The following CCP110 variants were observed in gnomAD, a reference collection of about 807,000 sequenced individuals.
The protein encoded by CCP110 is centriolar coiled-coil protein 110, also known as centriolar coiled-coil protein of 110 kDa.
In CCP110, 43 loss-of-function variants were observed where a neutral mutation model predicts 105.5. The observed-to-expected ratio is 0.41, with a 90% CI of 0.32 to 0.53. CCP110 has a LOEUF of 0.53. Ranked by LOEUF, CCP110 falls within the 20% of genes least tolerant of loss-of-function variation. CCP110 has a pLI of 0.32. For missense variants in CCP110, 1,016 were observed against 1,189.1 expected (o/e 0.85, Z 2.14); for synonymous variants, 353 against 392.1 (o/e 0.90, Z 1.18).
At chr16:19,528,884 T>G (rs1456753950) in intron 2 of CCP110, among the ~76,000 whole-genome samples, 1 of 151,824 alleles carries the variant, frequency 6.6e-6, no homozygotes. Flanking sequence ...AGAAAGACCC[T>G]ATCCCAAAAG....
exon 11 of CCP110, chr16:19,545,842 C>T: frequency 6.2e-7 from 1 of 1,607,836 alleles, no homozygotes; most frequent in Non-Finnish European, 8.5e-7. Context: ...CCACGAGTGG[C>T]TCTTTCAGCT....
chr16:19,532,538 T>C (rs1348368122), exon 3 of CCP110: 1 of 1,590,836 alleles, frequency 6.3e-7, no homozygotes. Flanking sequence ...TTCTTGACAA[T>C]GTTCAGGTGT....
chr16:19,548,193 A>G lies in CCP110; in HGVS notation c.2900+179A>G. The G allele has an allele frequency of 1.5e-6, 1 of 645,464 alleles. No homozygotes were observed. Among genetic ancestry groups the G allele is most frequent in the Non-Finnish European group, 2.8e-6 (1 of 361,286 alleles). The allele number at this position is 645,464 out of a possible 1,614,324, so 40.0% of individuals were successfully genotyped here. A position where few individuals can be genotyped will look rare whatever the true frequency, so the allele number is the denominator to read the frequency against. On this transcript the variant is annotated intron_variant, in intron 13 of 14. Transcript: ENST00000381396. This position sits in a 1 kb window ranked among gnomAD's most constrained non-coding sequence, Gnocchi z 4.1. Reference sequence around the variant, plus strand: ...TCTTCAAATGTAACCCTCTTGGTGTACTGTTGTGTATTCTAATTACTGTCT... The same window carrying G: ...TCTTCAAATGTAACCCTCTTGGTGTGCTGTTGTGTATTCTAATTACTGTCT...
chr16:19,542,356 C>G (rs1970316532), intron 6 of CCP110, among the ~76,000 whole-genome samples: 1 of 152,210 alleles, frequency 6.6e-6, no homozygotes, highest in Non-Finnish European at 1.5e-5. Flanking sequence ...AGTTTGCTCT[C>G]TCCTGAGTGA....
At chr16:19,536,477 G>A (rs1459151063) in exon 4 of CCP110, 1 of 1,613,926 alleles carries the variant, frequency 6.2e-7, no homozygotes, top group African/African-American at 1.3e-5. Flanking sequence ...TGCTGTTGAA[G>A]TGGCTGACTG....
intron 12 of CCP110, chr16:19,547,238 C>T (rs1195115303): frequency 6.6e-6 from 1 of 152,164 alleles, no homozygotes; most frequent in Middle Eastern, 3.4e-3. Context: ...AATCCTGTCT[C>T]TATTAAAAAT....
exon 4 of CCP110, chr16:19,537,209 A>G (rs754505654): frequency 1.2e-6 from 2 of 1,614,204 alleles, no homozygotes; most frequent in Admixed American, 3.3e-5. Flanking sequence ...CAGTCAGTGT[A>G]TAGCAAGTCC....
chr16:19,524,924 C>T lies in CCP110; in HGVS notation c.-16+836C>T, dbSNP rs1969617320. ...GTTGCTTTCTGCGTGTTCTGCACTA[C>T]GTTAATTGCCCTACATGCATTAGCT... On this transcript the variant is annotated intron_variant, in intron 1 of 14. Coordinates refer to ENST00000381396, the Ensembl canonical transcript of CCP110. The T allele has an allele frequency of 2.0e-5, 3 of 152,194 alleles. 1 individual carries two copies. The South Asian group carries it at 6.2e-4, about 31-fold the overall frequency. 9.4% of individuals were successfully genotyped at this position (152,194 alleles called of 1,614,324 possible).
intron 8 of CCP110, 38 bp from the exon 9 acceptor site, chr16:19,544,757 TTC>T (rs1413022938): frequency 9.4e-7 from 1 of 1,062,344 alleles, no homozygotes; most frequent in African/African-American, 1.6e-5. Context: ...TCACAAATCT[TTC>T]TAGAAAAATG....
chr16:19,532,507 T>C (rs780858604), exon 3 of CCP110: 1 of 1,611,474 alleles, frequency 6.2e-7, no homozygotes, highest in Non-Finnish European at 8.5e-7. Flanking sequence ...AAGAAAGCTT[T>C]ACTGACTCGT....
chr16:19,540,572 A>C lies in CCP110; in HGVS notation c.1919-85A>C, dbSNP rs1970240963. On this transcript the variant is annotated intron_variant, in intron 4 of 14. Transcript: ENST00000381396. ...TCAGATCCAGGAATACTCTCTTGTCAGAAGGATAATTTAAATTGATGGTAT... is the reference window on the plus strand; with the variant it reads ...TCAGATCCAGGAATACTCTCTTGTCCGAAGGATAATTTAAATTGATGGTAT... 4 of 1,153,860 alleles carry C rather than the reference A, an allele frequency of 3.5e-6. No homozygotes were observed. The Admixed American group carries it at 8.4e-5, about 24-fold the overall frequency. 71.5% of individuals were successfully genotyped at this position (1,153,860 alleles called of 1,614,324 possible).
exon 15 of CCP110, chr16:19,551,946 G>A (rs1230902409): frequency 6.6e-6 from 1 of 152,152 alleles, no homozygotes; most frequent in Non-Finnish European, 1.5e-5. Context: ...TCTGTGACAG[G>A]TAACAAATTT....
At chr16:19,536,575 C>T (rs1446571223) in exon 4 of CCP110, 1 of 1,614,128 alleles carries the variant, frequency 6.2e-7, no homozygotes, top group Non-Finnish European at 8.5e-7. Context: ...ATGTTCTTCT[C>T]CAAGGTGCTT....
rs139586785 is a variant in CCP110 at position 19,536,812 on chromosome 16, G to A, written c.1143G>A (p.Arg381=). Residue 381 remains arginine, a synonymous_variant, in exon 4 of 15, where the codon AGG becomes AGA. Transcript: ENST00000381396. Reference sequence around the variant, plus strand: ...CTAAAATGCACCGAAGACGTTCCAGGACATCATCAGCGTGTCATATACTTA... The same window carrying A: ...CTAAAATGCACCGAAGACGTTCCAGAACATCATCAGCGTGTCATATACTTA... 172 of 1,614,070 alleles carry A rather than the reference G, an allele frequency of 1.1e-4. No homozygotes were observed. The African/African-American group carries it at 1.9e-3, about 18-fold the overall frequency.
intron 1 of CCP110, among the ~76,000 whole-genome samples, chr16:19,527,365 TAA>T (rs58097336): frequency 1.5e-4 from 21 of 143,784 alleles, no homozygotes; most frequent in Admixed American, 2.1e-4. Context: ...CTTGTCTCTT[TAA>T]AAAAAAAAAA....
At chr16:19,547,910 G>A in intron 12 of CCP110, 45 bp from the exon 13 acceptor site, 5 of 1,337,416 alleles carry the variant, frequency 3.7e-6, no homozygotes, top group Middle Eastern at 1.8e-4. Context: ...GGGAAAAAAT[G>A]GAATTTAACC....
Position 19,542,671 on chromosome 16 carries a change from C to T in CCP110, c.2278C>T (p.Pro760Ser), listed in dbSNP as rs201430972. 256 of 1,613,082 alleles carry T rather than the reference C, an allele frequency of 1.6e-4. No individual in the cohort carries two copies. Among genetic ancestry groups the T allele is most frequent in the Non-Finnish European group, 2.1e-4 (251 of 1,179,256 alleles). Residue 760 changes from proline to serine, a missense_variant, in exon 7 of 15, where the codon CCA (proline) becomes TCA (serine). By Grantham distance (74) the Pro-to-Ser change is moderately conservative (BLOSUM62 -1). Transcript: ENST00000381396. The stretch of plus-strand genomic sequence containing the variant: ...TAGCTTTGTTTCTGCAAACGAAGCA[C>T]CATTCTACCTCTGGGGATCATCAAC...
At chr16:19,539,428 G>A (rs910142912) in intron 4 of CCP110, among the ~76,000 whole-genome samples, 1 of 150,828 alleles carries the variant, frequency 6.6e-6, no homozygotes, top group Non-Finnish European at 1.5e-5. Context: ...GCTGTGGTGC[G>A]ATCTCAGTTC....
At chr16:19,550,232 A>G (rs1242361281) in intron 14 of CCP110, among the ~76,000 whole-genome samples, 1 of 151,822 alleles carries the variant, frequency 6.6e-6, no homozygotes, top group Non-Finnish European at 1.5e-5. Context: ...GCTCACTGCA[A>G]TCTCCACCTC....
Sources: gnomAD v4.1 joint callset for allele counts (sites outside exome capture counted in the v4.1 genomes callset) on GRCh38, gnomAD v4.1.1 for gene constraint, Gnocchi (gnomAD v3.1) non-coding constraint, MANE v1.5 for transcripts, NCBI Gene and HGNC (gene_info 2026-07-23, HGNC 2026-07-21) for gene names.